Variants in GALNT10 observed in about 807,000 individuals in gnomAD.
The protein encoded by GALNT10 is polypeptide N-acetylgalactosaminyltransferase 10, also known as GalNAc transferase 10.
A neutral mutation model predicts 75.0 loss-of-function variants in GALNT10; 41 were observed. That is an observed-to-expected ratio of 0.55 (90% CI 0.43 to 0.71). GALNT10 has a LOEUF of 0.71. Ranked by LOEUF, GALNT10 falls within the 30% of genes least tolerant of loss-of-function variation. GALNT10 has a pLI of 0.00. For synonymous variants in GALNT10, 302 were observed against 313.0 expected, an observed-to-expected ratio of 0.96 and a Z score of 0.37; for missense variants, 727 against 818.5, an observed-to-expected ratio of 0.89 and a Z score of 1.36.
In GALNT10 at chr5:154,298,542, C is replaced by G. The variant is rs115973746; in HGVS notation, c.401+463C>G. Among the ~76,000 whole-genome samples the G allele has an allele frequency of 9.4e-3, 1,439 of 152,296 alleles. 26 individuals are homozygous for G. The highest frequency in any genetic ancestry group is 0.033 in the African/African-American group (1,352 of 41,560). On this transcript the variant is annotated intron_variant, in intron 3 of 11. Transcript: ENST00000297107. This position sits in a 1 kb window ranked among gnomAD's most constrained non-coding sequence, Gnocchi z 4.1. ...ACAATGGCATCTAACATTCTTTGAA[C>G]CGGTACTATGTGCCAAACGCTTTAT...
At chr5:154,217,511 C>T (rs567244023) in intron 1 of GALNT10, among the ~76,000 whole-genome samples, 1 of 152,318 alleles carries the variant, frequency 6.6e-6, no homozygotes, top group East Asian at 1.9e-4. Flanking sequence ...TGAGCTCTTT[C>T]ACTCTTTAGT....
At chr5:154,279,862 T>C (rs1011025819) in intron 1 of GALNT10, among the ~76,000 whole-genome samples, 1 of 152,176 alleles carries the variant, frequency 6.6e-6, no homozygotes, top group African/African-American at 2.4e-5. Context: ...TTATGCAGTA[T>C]GGAAGTTCCT....
chr5:154,415,487 C>T (rs1397989500), intron 10 of GALNT10, among the ~76,000 whole-genome samples: 5 of 152,016 alleles, frequency 3.3e-5, no homozygotes, highest in South Asian at 2.1e-4. Context: ...TACAGGCATA[C>T]GCCACCACAC....
intron 6 of GALNT10, among the ~76,000 whole-genome samples, chr5:154,382,213 A>G (rs4626376): frequency 0.1 from 15,919 of 152,304 alleles, 945 homozygotes; most frequent in Non-Finnish European, 0.14. Flanking sequence ...AGAGGTAGAA[A>G]GAGTTGGGTT....
chr5:154,388,565 C>T (rs900596063), intron 7 of GALNT10: 6 of 152,106 alleles, frequency 3.9e-5, no homozygotes, highest in Non-Finnish European at 7.3e-5. Context: ...GGGGCCCAAA[C>T]GCAGGTCTGC....
At chr5:154,222,235 GTT>G (rs34297252) in intron 1 of GALNT10, among the ~76,000 whole-genome samples, 7 of 143,508 alleles carry the variant, frequency 4.9e-5, no homozygotes, top group Admixed American at 6.9e-5. Context: ...CTTTTTGCCT[GTT>G]TTTTTTTTTT....
Position 154,376,521 on chromosome 5 carries a change from C to T in GALNT10, c.754+59C>T. The T allele has an allele frequency of 4.7e-6, 6 of 1,272,636 alleles. No individual in the cohort carries two copies. Among genetic ancestry groups the T allele is most frequent in the South Asian group, 1.5e-5 (1 of 67,352 alleles). 78.8% of individuals were successfully genotyped at this position (1,272,636 alleles called of 1,614,324 possible). A position where few individuals can be genotyped will look rare whatever the true frequency, so the allele number is the denominator to read the frequency against. On this transcript the variant is annotated intron_variant, in intron 5 of 11. Transcript: ENST00000297107. This position sits in a 1 kb window ranked among gnomAD's most constrained non-coding sequence, Gnocchi z 4.1. ...ACTGCAATGAGCCAGTGCCAGTGGCCCCCTCCTGCTGCAGGGAGCCATCCA... is the reference window on the plus strand; with the variant it reads ...ACTGCAATGAGCCAGTGCCAGTGGCTCCCTCCTGCTGCAGGGAGCCATCCA...
At chr5:154,292,005 T>C (rs988953949) in intron 1 of GALNT10, among the ~76,000 whole-genome samples, 1 of 152,184 alleles carries the variant, frequency 6.6e-6, no homozygotes, top group African/African-American at 2.4e-5. Flanking sequence ...GATAAAACAA[T>C]ATGAAATCTC....
chr5:154,263,416 A>G (rs558738175), intron 1 of GALNT10, among the ~76,000 whole-genome samples: 42 of 152,336 alleles, frequency 2.8e-4, no homozygotes, highest in African/African-American at 1.0e-3. Flanking sequence ...GTATTGCATG[A>G]TTCCATTTAT....
At chr5:154,415,287 G>A (rs936834957) in intron 10 of GALNT10, among the ~76,000 whole-genome samples, 35 of 152,084 alleles carry the variant, frequency 2.3e-4, no homozygotes, top group African/African-American at 8.2e-4. Context: ...ATACTGTGAG[G>A]GTAAGGATAG....
chr5:154,390,125 G>A (rs987319121), intron 7 of GALNT10, among the ~76,000 whole-genome samples: 118 of 152,246 alleles, frequency 7.8e-4, no homozygotes, highest in African/African-American at 2.7e-3. Context: ...CAAAAACTTC[G>A]TGAAACAAAG....
At chr5:154,209,652 T>G (rs576328435) in intron 1 of GALNT10, among the ~76,000 whole-genome samples, 1 of 152,326 alleles carries the variant, frequency 6.6e-6, no homozygotes, top group East Asian at 1.9e-4. Flanking sequence ...CTCATGTCTC[T>G]ATTTACAAGG....
intron 3 of GALNT10, among the ~76,000 whole-genome samples, chr5:154,302,572 C>T (rs1016618410): frequency 1.8e-4 from 27 of 152,178 alleles, no homozygotes; most frequent in Non-Finnish European, 3.4e-4. Flanking sequence ...CTGCAGTTTC[C>T]GGTGCAAACC....
chr5:154,332,910 G>A (rs143073363), intron 4 of GALNT10, among the ~76,000 whole-genome samples: 11 of 152,288 alleles, frequency 7.2e-5, no homozygotes, highest in Middle Eastern at 3.4e-3. Context: ...CAGGGCATCC[G>A]TCCTTCAGAC....
At chr5:154,408,838 G>A (rs2113218822) in intron 8 of GALNT10, among the ~76,000 whole-genome samples, 3 of 152,246 alleles carry the variant, frequency 2.0e-5, no homozygotes, top group Middle Eastern at 6.8e-3. Context: ...GCTTAGCGAA[G>A]AAAGAATATA....
intron 1 of GALNT10, among the ~76,000 whole-genome samples, chr5:154,285,035 A>C (rs1754092602): frequency 6.6e-6 from 1 of 152,254 alleles, no homozygotes; most frequent in Non-Finnish European, 1.5e-5. Flanking sequence ...TGGAATATGA[A>C]GACACACCAC....
chr5:154,402,360 T>G lies in GALNT10; in HGVS notation c.1057-1744T>G, dbSNP rs1756187048. Reference sequence around the variant, plus strand: ...TCCCTTGCCTTTACTTTCACCTTCTTGGTTCCACCTCAAACATCCCTTCCG... The same window carrying G: ...TCCCTTGCCTTTACTTTCACCTTCTGGGTTCCACCTCAAACATCCCTTCCG... On this transcript the variant is annotated intron_variant, in intron 7 of 11. Coordinates refer to ENST00000297107, the MANE Select transcript of GALNT10 (RefSeq NM_198321.4). The surrounding 1 kb of genome is among the most constrained non-coding windows in gnomAD (Gnocchi z 4.2). 6.6e-6 allele frequency among the ~76,000 whole-genome samples: 1 copy of G among 152,222 alleles called. No homozygotes were observed. The highest frequency in any genetic ancestry group is 1.5e-5 in the Non-Finnish European group (1 of 68,038).
At chr5:154,393,927 T>C (rs2113198258) in intron 7 of GALNT10, among the ~76,000 whole-genome samples, 1 of 152,200 alleles carries the variant, frequency 6.6e-6, no homozygotes, top group East Asian at 1.9e-4. Context: ...AGCACATTGT[T>C]GGGGCCATTT....
chr5:154,307,810 A>T (rs1754457101), intron 3 of GALNT10, among the ~76,000 whole-genome samples: 2 of 151,792 alleles, frequency 1.3e-5, no homozygotes. Context: ...CATCGTCATT[A>T]TTCACTTTTC....
Sources: allele counts gnomAD v4.1 joint callset (sites outside exome capture counted in the v4.1 genomes callset), GRCh38; gene constraint gnomAD v4.1.1; non-coding constraint Gnocchi (gnomAD v3.1); transcripts MANE v1.5; gene names NCBI Gene and HGNC (gene_info 2026-07-23, HGNC 2026-07-21).